The following RFX1 variants were observed in gnomAD, a reference collection of about 807,000 sequenced individuals.
RFX1 encodes regulatory factor X1.
In RFX1, 42 loss-of-function variants were observed where a neutral mutation model predicts 119.6. The observed-to-expected ratio is 0.35, with a 90% CI of 0.27 to 0.45. RFX1 has a LOEUF of 0.45. Ranked by LOEUF, RFX1 falls within the 20% of genes least tolerant of loss-of-function variation. The pLI is 1.00. For missense variants in RFX1, 1,118 were observed against 1,368.1 expected (o/e 0.82, Z 2.88); for synonymous variants, 628 against 618.5 (o/e 1.02, Z -0.23).
In RFX1 at chr19:13,990,205, C is replaced by T. The variant is rs1351599636; in HGVS notation, c.319+3320G>A. Among the ~76,000 whole-genome samples the T allele has an allele frequency of 1.3e-5, 2 of 152,070 alleles. No individual in the cohort carries two copies. The highest frequency in any genetic ancestry group is 4.1e-4 in the South Asian group (2 of 4,822). ...GAGGTTCCCAGGTCTGAGTCTGGGG[C>T]TCCCCGTCCTTTGCTGACAAGGTCA... On this transcript the variant is annotated intron_variant, in intron 2 of 20. Coordinates refer to ENST00000254325, the MANE Select transcript of RFX1 (RefSeq NM_002918.5). The surrounding 1 kb of genome is among the most constrained non-coding windows in gnomAD (Gnocchi z 4.1).
rs1436087184 is a variant in RFX1, at chr19:13,966,506, G to A, written c.1876C>T (p.Leu626=). 7 of 1,581,284 alleles carry A rather than the reference G, an allele frequency of 4.4e-6. No individual in the cohort carries two copies. The highest frequency in any genetic ancestry group is 6.0e-6 in the Non-Finnish European group (7 of 1,160,516). Residue 626 remains leucine, a synonymous_variant, in exon 14 of 21, where the codon CTG becomes TTG. Coordinates refer to ENST00000254325, the MANE Select transcript of RFX1 (RefSeq NM_002918.5). The surrounding 1 kb of genome is among the most constrained non-coding windows in gnomAD (Gnocchi z 6.3). ...AGCGTCTCCACCAGGGTGAACTGCA[G>A]GTTCACCATGACGTCGACAATGGCC... The part of the protein sequence containing the change: ...CEAIVDVMVN[L]QFTLVETLWK...
At position 13,964,194 on chromosome 19, in the gene RFX1, C is replaced by T. The variant is rs369821763; in HGVS notation, c.2212-187G>A. On this transcript the variant is annotated intron_variant, in intron 16 of 20. Coordinates refer to ENST00000254325, the MANE Select transcript of RFX1 (RefSeq NM_002918.5). ...AACTTTGGGTGTCCACTCACAAGCG[C>T]CCCCCAAAATTCAATTTATTGTGTT... is the stretch of plus-strand genomic sequence containing the variant. 1.6e-4 allele frequency: 95 copies of T among 581,952 alleles called. No individual in the cohort carries two copies. The African/African-American group carries it at 1.7e-3, about 10-fold the overall frequency. 36.0% of individuals were successfully genotyped at this position (581,952 alleles called of 1,614,324 possible). A position where few individuals can be genotyped will look rare whatever the true frequency, so the allele number is the denominator to read the frequency against.
In RFX1 at chr19:13,969,970, C is replaced by G. The variant is rs772626470; in HGVS notation, c.1496+24G>C. ...ATGCCCACCAATTCCCCAGGGACTG[C>G]TGGGAGTAGACGGATGGCCCTACCT... is the stretch of plus-strand genomic sequence containing the variant. On this transcript the variant is annotated intron_variant, in intron 10 of 20. Transcript: ENST00000254325. This position sits in a 1 kb window ranked among gnomAD's most constrained non-coding sequence, Gnocchi z 4.5. 1 of 1,584,914 alleles carries G rather than the reference C, an allele frequency of 6.3e-7. No individual in the cohort carries two copies. The highest frequency in any genetic ancestry group is 1.3e-5 in the African/African-American group (1 of 74,528).
At position 13,968,257 on chromosome 19, in the gene RFX1, T is replaced by C. The variant is rs537997717; in HGVS notation, c.1732+308A>G. Among the ~76,000 whole-genome samples the C allele has an allele frequency of 4.9e-4, 75 of 151,652 alleles. No individual in the cohort carries two copies. The highest frequency in any genetic ancestry group is 9.3e-4 in the Non-Finnish European group (63 of 67,888). On this transcript the variant is annotated intron_variant, in intron 12 of 20. Coordinates refer to ENST00000254325, the MANE Select transcript of RFX1 (RefSeq NM_002918.5). This position sits in a 1 kb window ranked among gnomAD's most constrained non-coding sequence, Gnocchi z 5.5. ...CGACAGAGAATCTATCTCAAAAAAA[T>C]AAACAAATAAATACAAAAATAAAGA...
Position 13,961,590 on chromosome 19 carries a change from G to A in RFX1, c.*1105C>T, listed in dbSNP as rs1478910769. On this transcript the variant is annotated 3_prime_UTR_variant, in exon 21 of 21. Transcript: ENST00000254325. Reference sequence around the variant, plus strand: ...AAAGACTACAAAAAGGTAGAAAACAGCTCGGCACACTAGACTACCACACGT... The same window carrying A: ...AAAGACTACAAAAAGGTAGAAAACAACTCGGCACACTAGACTACCACACGT... 1 of 157,046 alleles carries A rather than the reference G, an allele frequency of 6.4e-6. No individual in the cohort carries two copies. The highest frequency in any genetic ancestry group is 2.4e-5 in the African/African-American group (1 of 41,486). The allele number at this position is 157,046 out of a possible 1,614,324, so 9.7% of individuals were successfully genotyped here. A position where few individuals can be genotyped will look rare whatever the true frequency, so the allele number is the denominator to read the frequency against.
chr19:14,000,868 G>A (rs1280711151), intron 1 of RFX1, among the ~76,000 whole-genome samples: 2 of 152,138 alleles, frequency 1.3e-5, no homozygotes, highest in African/African-American at 4.8e-5. Flanking sequence ...CCCAGGGCAG[G>A]AAGATTGCTT....
intron 1 of RFX1, among the ~76,000 whole-genome samples, chr19:14,001,999 G>A (rs528593106): frequency 3.0e-4 from 45 of 152,280 alleles, no homozygotes; most frequent in African/African-American, 1.0e-3. Context: ...AGCCGGGCAT[G>A]GTGGTGGGTG....
intron 1 of RFX1, among the ~76,000 whole-genome samples, chr19:14,005,136 A>G (rs906183193): frequency 3.3e-5 from 5 of 152,162 alleles, no homozygotes; most frequent in Admixed American, 1.3e-4. Context: ...GAAACGTTCC[A>G]TCTCCAGGAA....
At chr19:13,976,995 C>CAA (rs140496393) in intron 8 of RFX1, among the ~76,000 whole-genome samples, 8 of 146,912 alleles carry the variant, frequency 5.4e-5, no homozygotes, top group African/African-American at 2.0e-4. Flanking sequence ...GACCCTGTCT[C>CAA]AAAAAAAACA....
intron 9 of RFX1, among the ~76,000 whole-genome samples, chr19:13,972,077 G>A (rs920503735): frequency 2.0e-5 from 3 of 151,614 alleles, no homozygotes; most frequent in Non-Finnish European, 4.4e-5. Flanking sequence ...GGTAAACTGG[G>A]AGGATCACTT....
Position 13,963,898 on chromosome 19 carries a change from A to G in RFX1, c.2321T>C (p.Met774Thr). ...GTCCACGCGGTTGAGGTCGCTCAGC[A>G]TCTGGTTGATCTGTGCGGTGTTCTG... ...VLQNTAQINQMLSDLNRVDFA... is the reference protein window; with the variant it reads ...VLQNTAQINQTLSDLNRVDFA... The change falls in exon 17 of 21, where the codon ATG becomes ACG. Residue 774 changes from methionine to threonine, a missense_variant. Met to Thr is a moderately conservative substitution (Grantham distance 81). Coordinates refer to ENST00000254325, the MANE Select transcript of RFX1 (RefSeq NM_002918.5). 6.5e-7 allele frequency: 1 copy of G among 1,544,286 alleles called. No homozygotes were observed. The highest frequency in any genetic ancestry group is 8.7e-7 in the Non-Finnish European group (1 of 1,145,884).
intron 1 of RFX1, among the ~76,000 whole-genome samples, chr19:13,995,733 C>T (rs1974990568): frequency 6.6e-6 from 1 of 151,862 alleles, no homozygotes; most frequent in African/African-American, 2.4e-5. Context: ...TGCCTGTAAT[C>T]CCAGCTACTT....
At position 13,961,762 on chromosome 19, in the gene RFX1, A is replaced by G. The variant is rs1316655054; in HGVS notation, c.*933T>C. 1 of 152,270 alleles carries G rather than the reference A, an allele frequency of 6.6e-6. No homozygotes were observed. The highest frequency in any genetic ancestry group is 1.5e-5 in the Non-Finnish European group (1 of 68,058). 9.4% of individuals were successfully genotyped at this position (152,270 alleles called of 1,614,324 possible). On this transcript the variant is annotated 3_prime_UTR_variant, in exon 21 of 21. Transcript: ENST00000254325. ...CCATTTTTTTTTCCTTTTTCTTGCC[A>G]TAAACATCTATCTCACAGGCTGAAA...
At chr19:13,983,702 G>A (rs1190343252) in intron 2 of RFX1, 107 bp from the exon 3 acceptor site, 11 of 902,402 alleles carry the variant, frequency 1.2e-5, no homozygotes, top group Non-Finnish European at 1.9e-5. Flanking sequence ...CCCCCAGCAA[G>A]GTCAGGCCCC....
At chr19:14,001,056 CAAAA>C (rs201949884) in intron 1 of RFX1, among the ~76,000 whole-genome samples, 1 of 151,484 alleles carries the variant, frequency 6.6e-6, no homozygotes, top group Non-Finnish European at 1.5e-5. Context: ...TCTGCAAAAA[CAAAA>C]AAAACAAAAA....
intron 1 of RFX1, among the ~76,000 whole-genome samples, chr19:13,995,415 C>T (rs1166466180): frequency 6.6e-6 from 1 of 152,120 alleles, no homozygotes; most frequent in Non-Finnish European, 1.5e-5. Flanking sequence ...TTTTTGGGCC[C>T]TCTGTCTGGG....
chr19:13,963,245 G>A lies in RFX1; in HGVS notation c.2601C>T (p.Arg867=), dbSNP rs761095917. The change falls in exon 19 of 21, where the codon CGC becomes CGT. Residue 867 remains arginine (R), a synonymous_variant. Coordinates refer to ENST00000254325, the MANE Select transcript of RFX1 (RefSeq NM_002918.5). The stretch of plus-strand genomic sequence containing the variant: ...GGAAGGAACCGAAGCTGGCGGCGCT[G>A]CGCAGGGTCAGGTCCCGGATCACCA... ...SSMVIRDLTL[R]SAASFGSFHL... 2.5e-6 allele frequency: 4 copies of A among 1,611,938 alleles called. No individual in the cohort carries two copies. Among genetic ancestry groups the A allele is most frequent in the South Asian group, 1.1e-5 (1 of 91,068 alleles).
At chr19:14,003,467 C>A (rs1975281510) in intron 1 of RFX1, among the ~76,000 whole-genome samples, 1 of 149,320 alleles carries the variant, frequency 6.7e-6, no homozygotes. Context: ...CACGAGGGCT[C>A]TCACTGGATT....
rs775042845 is a variant in RFX1 at position 13,966,786 on chromosome 19, C to T, written c.1733-35G>A. 2.1e-6 allele frequency: 3 copies of T among 1,439,490 alleles called. No homozygotes were observed. Among genetic ancestry groups the T allele is most frequent in the Non-Finnish European group, 1.9e-6 (2 of 1,041,718 alleles). 89.2% of individuals were successfully genotyped at this position (1,439,490 alleles called of 1,614,324 possible). On this transcript the variant is annotated intron_variant, in intron 12 of 20. Transcript: ENST00000254325. The surrounding 1 kb of genome is among the most constrained non-coding windows in gnomAD (Gnocchi z 6.3). ...CGGGGGGAACCGTGAGGCCCTTCAT[C>T]CCCCTTGCCTGCCCACCCTGGGGTC... is the stretch of plus-strand genomic sequence containing the variant.
Sources: allele counts gnomAD v4.1 joint callset (sites outside exome capture counted in the v4.1 genomes callset), GRCh38; gene constraint gnomAD v4.1.1; non-coding constraint Gnocchi (gnomAD v3.1); transcripts MANE v1.5; gene names NCBI Gene and HGNC (gene_info 2026-07-23, HGNC 2026-07-21).